Variants in PTK2 observed in about 807,000 individuals in gnomAD.
PTK2 encodes protein tyrosine kinase 2, also known as focal adhesion kinase 1.
In PTK2, 45 loss-of-function variants were observed where a neutral mutation model predicts 150.1. The ratio of observed to expected loss-of-function variants is 0.30; its 90% CI spans 0.24 to 0.38. The LOEUF is 0.38. Among genes scored for constraint, PTK2 ranks in the 10% least tolerant of loss-of-function variants. The pLI is 1.00. For missense variants in PTK2, 919 were observed against 1,307.3 expected (o/e 0.70, Z 4.58); for synonymous variants, 432 against 449.2 (o/e 0.96, Z 0.48).
intron 5 of PTK2, among the ~76,000 whole-genome samples, chr8:140,858,823 A>T (rs929099848): frequency 3.3e-5 from 5 of 152,228 alleles, no homozygotes; most frequent in Non-Finnish European, 7.3e-5. Context: ...ACAATATCTA[A>T]ATATGTGCAA....
chr8:140,846,173 T>C (rs906068076), intron 7 of PTK2, 87 bp downstream of exon 7: 8 of 1,036,628 alleles, frequency 7.7e-6, no homozygotes, highest in Non-Finnish European at 1.1e-5. Flanking sequence ...GAAATAGCAG[T>C]GTTTCAGAAT....
intron 2 of PTK2, among the ~76,000 whole-genome samples, chr8:140,917,795 A>G (rs575512245): frequency 6.6e-6 from 1 of 152,348 alleles, no homozygotes; most frequent in African/African-American, 2.4e-5. Flanking sequence ...AAATCCAAAA[A>G]AGTAAAATAT....
At chr8:140,707,826 C>T (rs1028475645) in intron 23 of PTK2, among the ~76,000 whole-genome samples, 2 of 152,206 alleles carry the variant, frequency 1.3e-5, no homozygotes, top group African/African-American at 4.8e-5. Flanking sequence ...GACCCAAATG[C>T]TCTCTGTCCA....
At chr8:140,707,646 C>A (rs1317689283) in intron 23 of PTK2, among the ~76,000 whole-genome samples, 1 of 152,170 alleles carries the variant, frequency 6.6e-6, no homozygotes, top group Non-Finnish European at 1.5e-5. Context: ...CTTAAGTGAT[C>A]TGCCTGCCTC....
chr8:140,960,187 CTTTTTTTTTTTTTTTTTT>C (rs371999950), intron 1 of PTK2, among the ~76,000 whole-genome samples: 1 of 72,348 alleles, frequency 1.4e-5, no homozygotes, highest in Non-Finnish European at 2.4e-5. Flanking sequence ...CAATTTTAAA[CTTTTTTTTTTTTTTTTTT>C]TTTTTTTTTT....
chr8:140,747,446 G>GA (rs2154490536), intron 17 of PTK2, among the ~76,000 whole-genome samples: 2 of 57,048 alleles, frequency 3.5e-5, no homozygotes, highest in Non-Finnish European at 7.3e-5. Context: ...GAAGAAAGGG[G>GA]GGGGGAAGAG....
intron 5 of PTK2, among the ~76,000 whole-genome samples, chr8:140,851,624 C>A (rs2100129290): frequency 6.6e-6 from 1 of 152,022 alleles, no homozygotes; most frequent in South Asian, 2.1e-4. Context: ...TTTGGGAGGC[C>A]AAGGCAGGTG....
chr8:140,767,492 C>T (rs1425802321), intron 14 of PTK2, among the ~76,000 whole-genome samples: 1 of 152,012 alleles, frequency 6.6e-6, no homozygotes, highest in African/African-American at 2.4e-5. Context: ...TCTAAGAATT[C>T]CTTTTTTTTT....
chr8:140,758,972 C>T (rs2100067558), intron 16 of PTK2, among the ~76,000 whole-genome samples: 2 of 152,246 alleles, frequency 1.3e-5, no homozygotes, highest in East Asian at 1.9e-4. Flanking sequence ...CCACAGTATT[C>T]AATACAGTAA....
chr8:140,798,479 T>C (rs995918023), intron 12 of PTK2, among the ~76,000 whole-genome samples: 6 of 152,220 alleles, frequency 3.9e-5, no homozygotes, highest in Admixed American at 1.3e-4. Flanking sequence ...AGCATTTTCA[T>C]TAATGCTCTT....
intron 1 of PTK2, among the ~76,000 whole-genome samples, chr8:140,964,566 T>C (rs2100184571): frequency 6.9e-6 from 1 of 144,686 alleles, no homozygotes; most frequent in Non-Finnish European, 1.5e-5. Context: ...TTTTTTTTTT[T>C]TTTTTTTTGG....
chr8:140,858,578 T>C (rs906291747), intron 5 of PTK2, among the ~76,000 whole-genome samples: 3 of 152,068 alleles, frequency 2.0e-5, no homozygotes, highest in Admixed American at 2.0e-4. Flanking sequence ...AGCTGAGTTC[T>C]CAACAGCAAA....
At chr8:140,732,519 G>GT (rs1163099145) in intron 22 of PTK2, 1 of 523,706 alleles carries the variant, frequency 1.9e-6, no homozygotes, top group Non-Finnish European at 3.9e-6. Flanking sequence ...GACTCTTCCT[G>GT]TATCTAGCTA....
intron 8 of PTK2, among the ~76,000 whole-genome samples, chr8:140,820,101 TTTTTTTTTTTTTTTTTTAA>T (rs2100107432): frequency 1.1e-5 from 1 of 90,542 alleles, no homozygotes. Context: ...TTTTTTTTTT[TTTTTTTTTTTTTTTTTTAA>T]ATAGGGTCTC....
At chr8:140,926,495 C>G (rs1188596602) in intron 1 of PTK2, among the ~76,000 whole-genome samples, 3 of 152,198 alleles carry the variant, frequency 2.0e-5, no homozygotes, top group African/African-American at 7.2e-5. Context: ...AGAAGAAACA[C>G]AGCAAAGAAT....
At chr8:140,960,207 T>C (rs1203238249) in intron 1 of PTK2, among the ~76,000 whole-genome samples, 1 of 133,540 alleles carries the variant, frequency 7.5e-6, no homozygotes, top group Non-Finnish European at 1.6e-5. Flanking sequence ...TTTTTTTTTT[T>C]TTTTTTTTTG....
At chr8:140,927,567 T>C (rs1475397723) in intron 1 of PTK2, among the ~76,000 whole-genome samples, 1 of 152,198 alleles carries the variant, frequency 6.6e-6, no homozygotes, top group Non-Finnish European at 1.5e-5. Flanking sequence ...TTCTACAACC[T>C]GCATTTCTCA....
chr8:140,663,391 G>C (rs1332014450), intron 31 of PTK2, among the ~76,000 whole-genome samples: 1 of 152,198 alleles, frequency 6.6e-6, no homozygotes, highest in Non-Finnish European at 1.5e-5. Context: ...GTGTGTGCTG[G>C]GATGAAGAAC....
chr8:140,714,796 C>CAAAAAAAAAAA (rs398010102), intron 23 of PTK2, among the ~76,000 whole-genome samples: 7 of 46,872 alleles, frequency 1.5e-4, no homozygotes, highest in Non-Finnish European at 2.1e-4. Flanking sequence ...GGCTCTGTCT[C>CAAAAAAAAAAA]AAAAAAAAAA....
Sources: allele counts gnomAD v4.1 joint callset (sites outside exome capture counted in the v4.1 genomes callset), GRCh38; gene constraint gnomAD v4.1.1; transcripts MANE v1.5; gene names NCBI Gene and HGNC (gene_info 2026-07-23, HGNC 2026-07-21).